The following TBC1D14 variants were observed in gnomAD, a reference collection of about 807,000 sequenced individuals.
TBC1D14 encodes TBC1 domain family, member 14.
In TBC1D14, 26 loss-of-function variants were observed where a neutral mutation model predicts 79.0. That is an observed-to-expected ratio of 0.33 (90% CI 0.24 to 0.46). The LOEUF is 0.46. Among genes scored for constraint, TBC1D14 ranks in the 20% least tolerant of loss-of-function variants. TBC1D14 has a pLI of 1.00. For missense variants in TBC1D14, 769 were observed against 887.6 expected (o/e 0.87, Z 1.70); for synonymous variants, 394 against 349.9 (o/e 1.13, Z -1.40).
At chr4:6,926,071 T>G (rs556809503) in intron 2 of TBC1D14, among the ~76,000 whole-genome samples, 1 of 152,282 alleles carries the variant, frequency 6.6e-6, no homozygotes, top group South Asian at 2.1e-4. Flanking sequence ...TCCCAGTCAG[T>G]TTTCTCACCC....
chr4:6,965,985 G>T (rs1715667022), intron 2 of TBC1D14, among the ~76,000 whole-genome samples: 1 of 152,210 alleles, frequency 6.6e-6, no homozygotes, highest in Non-Finnish European at 1.5e-5. Context: ...AGCATCTGTT[G>T]ATCATTTCCT....
chr4:7,013,692 G>A (rs1421651213), intron 11 of TBC1D14, among the ~76,000 whole-genome samples: 1 of 151,662 alleles, frequency 6.6e-6, no homozygotes, highest in African/African-American at 2.4e-5. Context: ...GAGTCGTGTA[G>A]CCCCCTGGAA....
chr4:6,977,651 G>A (rs1716883280), intron 3 of TBC1D14, among the ~76,000 whole-genome samples: 1 of 147,336 alleles, frequency 6.8e-6, no homozygotes, highest in Non-Finnish European at 1.5e-5. Flanking sequence ...TCTCTGCCCG[G>A]CCGCCATCCC....
At chr4:7,027,027 A>T (rs1430946003) in intron 13 of TBC1D14, among the ~76,000 whole-genome samples, 1 of 152,196 alleles carries the variant, frequency 6.6e-6, no homozygotes, top group African/African-American at 2.4e-5. Flanking sequence ...CCTGGCCAAG[A>T]TGGTGAAAAC....
intron 2 of TBC1D14, among the ~76,000 whole-genome samples, chr4:6,934,517 G>A (rs1342522935): frequency 1.3e-5 from 2 of 152,118 alleles, no homozygotes; most frequent in African/African-American, 2.4e-5. Context: ...AAATTATCTG[G>A]TGTGGTGGCG....
At chr4:6,951,683 T>C (rs1046498964) in intron 2 of TBC1D14, among the ~76,000 whole-genome samples, 1 of 145,988 alleles carries the variant, frequency 6.8e-6, no homozygotes, top group East Asian at 2.0e-4. Flanking sequence ...CAATAAATAA[T>C]TTGTCGAATG....
chr4:6,923,752 A>G lies in TBC1D14; in HGVS notation c.363A>G (p.Glu121=), dbSNP rs753567001. The change falls in exon 2 of 14, where the codon GAA becomes GAG. Residue 121 remains glutamate, a synonymous_variant. Transcript: ENST00000409757. The part of the protein sequence containing the change: ...APPAPSSTER[E]QSVRKSSTFP... The stretch of plus-strand genomic sequence containing the variant: ...CAGCTCCTAGCAGCACCGAGCGGGA[A>G]CAGAGCGTGCGCAAATCCTCCACGT... 64 of 1,613,906 alleles carry G rather than the reference A, an allele frequency of 4.0e-5. No individual in the cohort carries two copies. The highest frequency in any genetic ancestry group is 5.0e-5 in the Non-Finnish European group (59 of 1,180,048).
intron 2 of TBC1D14, among the ~76,000 whole-genome samples, chr4:6,944,662 T>G (rs1404147829): frequency 6.6e-6 from 1 of 152,226 alleles, no homozygotes; most frequent in African/African-American, 2.4e-5. Context: ...GGCCTCTGGT[T>G]CCTGTAAATT....
intron 3 of TBC1D14, among the ~76,000 whole-genome samples, chr4:6,977,743 TCTA>T (rs1716899746): frequency 1.8e-5 from 1 of 55,242 alleles, no homozygotes; most frequent in Middle Eastern, 0.014. Context: ...CGCCATCCCA[TCTA>T]GGAAGTGAGG....
intron 1 of TBC1D14, among the ~76,000 whole-genome samples, chr4:6,919,588 G>A (rs1162068469): frequency 6.6e-6 from 1 of 151,914 alleles, no homozygotes; most frequent in African/African-American, 2.4e-5. Flanking sequence ...TCACTGGGTC[G>A]TATTTCAAGT....
intron 10 of TBC1D14, 92 bp downstream of exon 10, chr4:7,010,040 G>C: frequency 7.0e-7 from 1 of 1,433,858 alleles, no homozygotes; most frequent in Non-Finnish European, 9.8e-7. Context: ...TGTCATGCCA[G>C]TGCCTTCGTT....
chr4:6,977,161 CT>C (rs1180561004), intron 3 of TBC1D14, among the ~76,000 whole-genome samples: 2 of 114,982 alleles, frequency 1.7e-5, no homozygotes, highest in African/African-American at 6.5e-5. Context: ...CGGTCTCCCC[CT>C]GATGCCGAGC....
intron 2 of TBC1D14, among the ~76,000 whole-genome samples, chr4:6,928,306 G>C (rs200355350): frequency 3.9e-5 from 6 of 152,178 alleles, no homozygotes; most frequent in African/African-American, 1.4e-4. Flanking sequence ...ACCACTTCCC[G>C]ACCTGGCTGG....
chr4:7,027,579 A>C (rs936201626), intron 13 of TBC1D14, among the ~76,000 whole-genome samples: 3 of 142,506 alleles, frequency 2.1e-5, no homozygotes, highest in African/African-American at 8.0e-5. Context: ...CACGCACATC[A>C]CACACCCACC....
At chr4:6,980,839 C>T (rs1194298189) in intron 3 of TBC1D14, among the ~76,000 whole-genome samples, 3 of 151,620 alleles carry the variant, frequency 2.0e-5, no homozygotes, top group African/African-American at 4.8e-5. Context: ...CCTCAGCCTC[C>T]CAAGTAGCTG....
intron 2 of TBC1D14, chr4:6,954,308 C>G: frequency 1.4e-6 from 1 of 717,526 alleles, no homozygotes; most frequent in South Asian, 1.5e-5. Flanking sequence ...GACATGATGG[C>G]CATCTCCCCT....
intron 9 of TBC1D14, 127 bp downstream of exon 9, chr4:7,006,853 A>C (rs1371966866): frequency 5.9e-6 from 4 of 675,408 alleles, no homozygotes; most frequent in Non-Finnish European, 1.0e-5. Context: ...GGTAGGGTGG[A>C]TGTTACTATT....
chr4:6,985,525 C>T (rs757602277), intron 3 of TBC1D14, among the ~76,000 whole-genome samples: 55 of 152,134 alleles, frequency 3.6e-4, no homozygotes, highest in Non-Finnish European at 6.5e-4. Flanking sequence ...CACATATATG[C>T]GTAAAACCCA....
intron 13 of TBC1D14, among the ~76,000 whole-genome samples, chr4:7,026,144 C>G (rs887265972): frequency 4.4e-5 from 4 of 90,158 alleles, no homozygotes; most frequent in African/African-American, 1.0e-4. Flanking sequence ...AATGTCTGTT[C>G]TTGATTTAAC....
Sources: allele counts gnomAD v4.1 joint callset (sites outside exome capture counted in the v4.1 genomes callset), GRCh38; gene constraint gnomAD v4.1.1; transcripts MANE v1.5; gene names NCBI Gene and HGNC (gene_info 2026-07-23, HGNC 2026-07-21).